CA10: variants seen among roughly 807,000 people sequenced by gnomAD.
CA10 encodes the protein carbonic anhydrase 10 (inactive).
A neutral mutation model predicts 44.2 loss-of-function variants in CA10; 14 were observed. That is an observed-to-expected ratio of 0.32 (90% confidence interval 0.21 to 0.50). CA10 has a LOEUF of 0.50. CA10 is among the 20% of genes least tolerant of loss of function. The pLI is 0.99. For missense variants in CA10, 350 were observed against 409.7 expected (o/e 0.85, Z 1.26); for synonymous variants, 159 against 141.6 (o/e 1.12, Z -0.87).
chr17:52,090,233 T>C (rs1262137901), intron 1 of CA10, among the ~76,000 whole-genome samples: 2 of 152,194 alleles, frequency 1.3e-5, no homozygotes, highest in Non-Finnish European at 2.9e-5. Flanking sequence ...AATTCTTAAA[T>C]AGATGTAGTT....
intron 3 of CA10, among the ~76,000 whole-genome samples, chr17:51,919,334 G>A (rs1982132131): frequency 1.3e-5 from 2 of 152,154 alleles, no homozygotes; most frequent in African/African-American, 4.8e-5. Context: ...CCTTCTTGGA[G>A]AGAATGTACA....
At chr17:51,875,074 A>G (rs1334488688) in intron 3 of CA10, among the ~76,000 whole-genome samples, 1 of 151,462 alleles carries the variant, frequency 6.6e-6, no homozygotes, top group Non-Finnish European at 1.5e-5. Flanking sequence ...CCTGGGCTCA[A>G]GCCATCCTCC....
chr17:51,954,639 A>T (rs907630121), intron 2 of CA10, among the ~76,000 whole-genome samples: 1 of 152,224 alleles, frequency 6.6e-6, no homozygotes, highest in Non-Finnish European at 1.5e-5. Context: ...GCACTGGTTT[A>T]ATCAGAGAGT....
intron 4 of CA10, among the ~76,000 whole-genome samples, chr17:51,735,470 A>C (rs1916869856): frequency 6.6e-6 from 1 of 152,166 alleles, no homozygotes; most frequent in Non-Finnish European, 1.5e-5. Flanking sequence ...TCTGTATCCC[A>C]AACCTCAGCA....
intron 2 of CA10, among the ~76,000 whole-genome samples, chr17:52,071,088 C>T (rs1375895251): frequency 6.6e-6 from 1 of 152,108 alleles, no homozygotes; most frequent in Admixed American, 6.6e-5. Context: ...GTATTGAATG[C>T]CATTTGTCAA....
At position 51,875,255 on chromosome 17, in the gene CA10, C is replaced by T. The variant is rs200155092; in HGVS notation, c.279+55735G>A. On this transcript the variant is annotated intron_variant, in intron 3 of 8. Coordinates refer to ENST00000451037, the MANE Select transcript of CA10 (RefSeq NM_020178.5). ...TGAACTCCTGGGTTCAAGCAATCCT[C>T]CCATACTGGCCTTCCAAAGTGCTGG... Among the ~76,000 whole-genome samples the T allele has an allele frequency of 2.1e-4, 32 of 152,286 alleles. 1 individual carries two copies. In the East Asian group the frequency reaches 6.2e-3, roughly 29 times the overall value.
chr17:51,923,083 T>A (rs1567886582), intron 3 of CA10, among the ~76,000 whole-genome samples: 1 of 152,206 alleles, frequency 6.6e-6, no homozygotes, highest in Non-Finnish European at 1.5e-5. Flanking sequence ...CATAAAATTA[T>A]ACATACCATT....
intron 1 of CA10, among the ~76,000 whole-genome samples, chr17:52,141,405 A>G (rs1268057331): frequency 6.6e-6 from 1 of 152,188 alleles, no homozygotes; most frequent in African/African-American, 2.4e-5. Flanking sequence ...TTACATGTAA[A>G]ATTCAATCAA....
chr17:51,877,373 C>A (rs1980127183), intron 3 of CA10, among the ~76,000 whole-genome samples: 1 of 152,168 alleles, frequency 6.6e-6, no homozygotes, highest in Non-Finnish European at 1.5e-5. Flanking sequence ...TCATTGTGAG[C>A]ATTTATGTGA....
chr17:52,049,190 G>A (rs945862804), intron 2 of CA10, among the ~76,000 whole-genome samples: 13 of 152,042 alleles, frequency 8.6e-5, no homozygotes, highest in Admixed American at 5.9e-4. Flanking sequence ...TTATGATTGC[G>A]AGAGTCTCAC....
chr17:51,837,989 A>G (rs1464065146), intron 3 of CA10, among the ~76,000 whole-genome samples: 4 of 152,238 alleles, frequency 2.6e-5, no homozygotes, highest in Admixed American at 1.3e-4. Flanking sequence ...CCACTGATTT[A>G]AAAATTGGAG....
At chr17:52,000,193 G>C (rs1420843317) in intron 2 of CA10, among the ~76,000 whole-genome samples, 1 of 152,066 alleles carries the variant, frequency 6.6e-6, no homozygotes, top group South Asian at 2.1e-4. Flanking sequence ...CATGATGTGA[G>C]CAACATTTTA....
intron 1 of CA10, among the ~76,000 whole-genome samples, chr17:52,104,714 G>T (rs1178757563): frequency 1.3e-5 from 2 of 152,134 alleles, no homozygotes; most frequent in Non-Finnish European, 1.5e-5. Context: ...AGCACTGAGG[G>T]TACTGACTTA....
intron 3 of CA10, among the ~76,000 whole-genome samples, chr17:51,840,143 G>A (rs895036316): frequency 2.6e-5 from 4 of 152,166 alleles, no homozygotes; most frequent in Non-Finnish European, 5.9e-5. Context: ...TTTCACCTGG[G>A]AAAGTGGATA....
chr17:51,890,777 G>A (rs1486928110), intron 3 of CA10, among the ~76,000 whole-genome samples: 1 of 152,172 alleles, frequency 6.6e-6, no homozygotes, highest in African/African-American at 2.4e-5. Flanking sequence ...ATTCATAAAA[G>A]CAAAAGCTGC....
At chr17:51,996,861 C>T (rs1985254776) in intron 2 of CA10, among the ~76,000 whole-genome samples, 1 of 152,018 alleles carries the variant, frequency 6.6e-6, no homozygotes, top group African/African-American at 2.4e-5. Context: ...CCACTCCAGC[C>T]AAACACAAAA....
intron 2 of CA10, among the ~76,000 whole-genome samples, chr17:51,953,235 T>C (rs770545973): frequency 9.2e-5 from 14 of 152,154 alleles, no homozygotes; most frequent in Non-Finnish European, 1.9e-4. Flanking sequence ...TAGCTTTATT[T>C]TTCACAGATG....
chr17:51,762,213 AGC>A (rs1055107461), intron 3 of CA10: 2 of 152,214 alleles, frequency 1.3e-5, no homozygotes, highest in Non-Finnish European at 2.9e-5. Flanking sequence ...CATGTGAAAG[AGC>A]CCATGCCTGG....
At chr17:52,076,360 A>G (rs775082871) in intron 1 of CA10, among the ~76,000 whole-genome samples, 1 of 152,214 alleles carries the variant, frequency 6.6e-6, no homozygotes, top group Non-Finnish European at 1.5e-5. Flanking sequence ...TTCTTTGGCT[A>G]TCACATCCAT....
Sources: gnomAD v4.1 joint callset for allele counts (sites outside exome capture counted in the v4.1 genomes callset) on GRCh38, gnomAD v4.1.1 for gene constraint, MANE v1.5 for transcripts, NCBI Gene and HGNC (gene_info 2026-07-23, HGNC 2026-07-21) for gene names.